Variants in RBFOX3 observed in about 807,000 individuals in gnomAD.
RBFOX3 encodes RNA binding fox-1 homolog 3.
Under a neutral mutation model 48.7 loss-of-function variants are expected in RBFOX3, and 17 were observed. The observed-to-expected ratio is 0.35, with a 90% CI of 0.24 to 0.52. The LOEUF (loss-of-function observed/expected upper bound fraction) is 0.52. Ranked by LOEUF, RBFOX3 falls within the 20% of genes least tolerant of loss-of-function variation. The pLI is 0.94. For synonymous variants in RBFOX3, 212 were observed against 209.5 expected (o/e 1.01, Z -0.10); for missense variants, 382 against 497.5 (o/e 0.77, Z 2.21).
chr17:79,104,872 C>T (rs1047586390), intron 6 of RBFOX3, among the ~76,000 whole-genome samples: 22 of 150,990 alleles, frequency 1.5e-4, no homozygotes, highest in Non-Finnish European at 1.6e-4. Context: ...CCCAGGCCCC[C>T]GGGACCCTGC....
chr17:79,396,868 C>T (rs567044923), intron 2 of RBFOX3, among the ~76,000 whole-genome samples: 46 of 152,350 alleles, frequency 3.0e-4, no homozygotes, highest in Non-Finnish European at 5.3e-4. Flanking sequence ...CAGCTTCCAG[C>T]GCCTCCACCG....
chr17:79,600,349 C>T (rs1235433154), intron 1 of RBFOX3: 3 of 151,844 alleles, frequency 2.0e-5, no homozygotes, highest in Admixed American at 6.5e-5. Flanking sequence ...ACTCTACACA[C>T]AGGCACATGC....
At chr17:79,601,779 T>A (rs1359408419) in intron 1 of RBFOX3, 1 of 152,188 alleles carries the variant, frequency 6.6e-6, no homozygotes, top group Non-Finnish European at 1.5e-5. Flanking sequence ...CTGATACTGT[T>A]ATCAGTGATC....
At chr17:79,472,716 A>T (rs2077202942) in intron 2 of RBFOX3, among the ~76,000 whole-genome samples, 1 of 152,140 alleles carries the variant, frequency 6.6e-6, no homozygotes. Flanking sequence ...CACACCTCCC[A>T]CATCTCATGA....
chr17:79,630,317 C>T, the RBFOX3 span, among the ~76,000 whole-genome samples: 42 of 152,320 alleles, frequency 2.8e-4, no homozygotes, highest in East Asian at 1.9e-3. Flanking sequence ...AGACTGGATA[C>T]GGCACTAATG....
At chr17:79,336,444 C>T (rs2081212764) in intron 2 of RBFOX3, among the ~76,000 whole-genome samples, 1 of 151,638 alleles carries the variant, frequency 6.6e-6, no homozygotes, top group South Asian at 2.1e-4. Flanking sequence ...AAAAATAAAT[C>T]CCACTGTTCC....
In RBFOX3 at chr17:79,366,984, C is replaced by T. The variant is rs189027449; in HGVS notation, c.-174-59160G>A. 1.1e-4 allele frequency among the ~76,000 whole-genome samples: 17 copies of T among 152,322 alleles called. No individual in the cohort carries two copies. The East Asian group carries it at 3.3e-3, about 29-fold the overall frequency. ...ACAGGTGGGCAAAGGGGTACAAAGG[C>T]CATGCCATTTTGCCTCAAGGTGGGG... On this transcript the variant is annotated intron_variant, in intron 2 of 14. Transcript: ENST00000693108.
At chr17:79,619,989 G>A in the RBFOX3 span, among the ~76,000 whole-genome samples, 8,293 of 151,488 alleles carry the variant, frequency 0.055, 751 homozygotes, top group African/African-American at 0.19. Context: ...GCGCACACAC[G>A]CACATGCACA....
intron 3 of RBFOX3, among the ~76,000 whole-genome samples, chr17:79,296,819 C>A (rs1203301749): frequency 7.9e-6 from 1 of 125,842 alleles, no homozygotes; most frequent in African/African-American, 3.1e-5. Context: ...CCCCACTTCT[C>A]CTCCCCTTCT....
Position 79,288,567 on chromosome 17 carries a change from T to C in RBFOX3, c.-74+19157A>G, listed in dbSNP as rs116688537. ...TGCAAAACGTGATGGGCAGTTTCCG[T>C]CCTTACCACGTCTCTCCCCACCTCC... On this transcript the variant is annotated intron_variant, in intron 3 of 14. Coordinates refer to ENST00000693108, the MANE Select transcript of RBFOX3 (RefSeq NM_001350451.2). Among the ~76,000 whole-genome samples the C allele has an allele frequency of 1.6e-3, 240 of 151,686 alleles. 1 individual carries two copies. Among genetic ancestry groups the C allele is most frequent in the African/African-American group, 5.3e-3 (221 of 41,350 alleles).
intron 1 of RBFOX3, among the ~76,000 whole-genome samples, chr17:79,548,926 T>A (rs1555792800): frequency 6.6e-6 from 1 of 152,230 alleles, no homozygotes; most frequent in Non-Finnish European, 1.5e-5. Flanking sequence ...ATGGTAATTG[T>A]TGCAGTAACA....
rs1350741355 is a variant in RBFOX3 at position 79,330,222 on chromosome 17, C to T, written c.-174-22398G>A. Among the ~76,000 whole-genome samples the T allele has an allele frequency of 2.6e-5, 4 of 152,190 alleles. 1 individual carries two copies. In the South Asian group the frequency reaches 6.2e-4, roughly 24 times the overall value. On this transcript the variant is annotated intron_variant, in intron 2 of 14. Transcript: ENST00000693108. ...GCAATGTCTTCTCTTTCCCCTGTGC[C>T]CCCTGACCCCCGGTAGAGTAGACAC...
At chr17:79,540,150 C>T (rs782631312) in intron 1 of RBFOX3, among the ~76,000 whole-genome samples, 41 of 152,240 alleles carry the variant, frequency 2.7e-4, no homozygotes, top group Non-Finnish European at 5.4e-4. Flanking sequence ...CATGCACACA[C>T]ACTCACAGGT....
At chr17:79,649,664 C>T in the RBFOX3 span, among the ~76,000 whole-genome samples, 1 of 152,264 alleles carries the variant, frequency 6.6e-6, no homozygotes, top group South Asian at 2.1e-4. Flanking sequence ...GGAGATAGCG[C>T]CATTGCACTT....
intron 1 of RBFOX3, among the ~76,000 whole-genome samples, chr17:79,528,828 AC>A (rs1244326536): frequency 6.6e-6 from 1 of 151,716 alleles, no homozygotes; most frequent in Non-Finnish European, 1.5e-5. Context: ...GCCCTGCGAC[AC>A]CCTCCCCTCG....
intron 1 of RBFOX3, among the ~76,000 whole-genome samples, chr17:79,526,130 G>A (rs1374736392): frequency 2.6e-5 from 4 of 152,314 alleles, no homozygotes; most frequent in African/African-American, 7.2e-5. Context: ...TGGAGGTGAC[G>A]CCAACACTGC....
intron 3 of RBFOX3, among the ~76,000 whole-genome samples, chr17:79,287,053 AG>A (rs1567979527): frequency 6.6e-6 from 1 of 152,230 alleles, no homozygotes. Context: ...ACGCAGCTCG[AG>A]GGGCTCACAC....
chr17:79,157,948 G>A (rs2046187378), intron 4 of RBFOX3, among the ~76,000 whole-genome samples: 1 of 152,182 alleles, frequency 6.6e-6, no homozygotes, highest in Non-Finnish European at 1.5e-5. Flanking sequence ...CGACCGAGCT[G>A]TATCACCCGC....
At chr17:79,231,932 T>G (rs568535677) in intron 4 of RBFOX3, among the ~76,000 whole-genome samples, 2 of 152,322 alleles carry the variant, frequency 1.3e-5, no homozygotes, top group Admixed American at 6.5e-5. Flanking sequence ...GAAAGAGGTT[T>G]AGTTGACTCA....
Sources: allele counts gnomAD v4.1 joint callset (sites outside exome capture counted in the v4.1 genomes callset), GRCh38; gene constraint gnomAD v4.1.1; transcripts MANE v1.5; gene names NCBI Gene and HGNC (gene_info 2026-07-23, HGNC 2026-07-21).